The following MXI1 variants were observed in gnomAD, a reference collection of about 807,000 sequenced individuals.
The protein encoded by MXI1 is MAX interactor 1, dimerization protein.
Under a neutral mutation model 36.9 loss-of-function variants are expected in MXI1, and 18 were observed. That is an observed-to-expected ratio of 0.49 (90% CI 0.34 to 0.72). MXI1 has a LOEUF of 0.72. MXI1 is among the 30% of genes least tolerant of loss of function. MXI1 has a pLI of 0.01. For synonymous variants in MXI1, 160 were observed against 146.7 expected, an observed-to-expected ratio of 1.09 and a Z score of -0.65; for missense variants, 304 against 379.1, an observed-to-expected ratio of 0.80 and a Z score of 1.64.
intron 3 of MXI1, among the ~76,000 whole-genome samples, chr10:110,248,527 T>C (rs1402061894): frequency 1.3e-5 from 2 of 152,178 alleles, no homozygotes; most frequent in Admixed American, 6.5e-5. Context: ...CATGTGGTTT[T>C]ATTACCTGGG....
At chr10:110,211,837 C>T (rs1472174400) in intron 1 of MXI1, among the ~76,000 whole-genome samples, 1 of 152,160 alleles carries the variant, frequency 6.6e-6, no homozygotes, top group Non-Finnish European at 1.5e-5. Flanking sequence ...AATTGAAGGC[C>T]TCCAGAAATA....
Position 110,286,535 on chromosome 10 carries a change from A to T in MXI1, c.*1548A>T, listed in dbSNP as rs891711898. ...TTATGATTTTCATAACTTATTGCTG[A>T]TTTTAATGGATTGTTAATTTCAGTC... On this transcript the variant is annotated 3_prime_UTR_variant, in exon 6 of 6. Coordinates refer to ENST00000332674, the MANE Select transcript of MXI1 (RefSeq NM_130439.3). 23 of 150,628 alleles carry T rather than the reference A, an allele frequency of 1.5e-4. No individual in the cohort carries two copies. Among genetic ancestry groups the T allele is most frequent in the African/African-American group, 5.6e-4 (23 of 41,062 alleles). The allele number at this position is 150,628 out of a possible 1,614,324, so 9.3% of individuals were successfully genotyped here. A position where few individuals can be genotyped will look rare whatever the true frequency, so the allele number is the denominator to read the frequency against.
intron 5 of MXI1, 77 bp downstream of exon 5, chr10:110,280,162 A>C: frequency 7.8e-7 from 1 of 1,278,538 alleles, no homozygotes; most frequent in South Asian, 1.7e-5. Context: ...GTTGGGAGGC[A>C]CTGTATTTGC....
At chr10:110,229,593 A>G (rs1454854590) in intron 2 of MXI1, among the ~76,000 whole-genome samples, 2 of 152,216 alleles carry the variant, frequency 1.3e-5, no homozygotes, top group African/African-American at 4.8e-5. Context: ...TCTTTTCATT[A>G]AGACTACTAT....
chr10:110,223,968 A>C (rs780636522), intron 1 of MXI1, among the ~76,000 whole-genome samples: 4 of 152,104 alleles, frequency 2.6e-5, no homozygotes, highest in Non-Finnish European at 4.4e-5. Flanking sequence ...TTGTGACCTC[A>C]CTGGAGATTT....
chr10:110,221,282 T>G (rs1260081781), intron 1 of MXI1, among the ~76,000 whole-genome samples: 1 of 152,244 alleles, frequency 6.6e-6, no homozygotes, highest in African/African-American at 2.4e-5. Flanking sequence ...CTTGGGCAAG[T>G]TACCATACCT....
intron 5 of MXI1, among the ~76,000 whole-genome samples, chr10:110,280,546 G>A (rs945030544): frequency 4.0e-5 from 6 of 151,894 alleles, no homozygotes; most frequent in Admixed American, 2.0e-4. Flanking sequence ...CGGGCGTGGT[G>A]GCAGGCGCCT....
At chr10:110,255,129 G>A (rs760823613) in intron 3 of MXI1, among the ~76,000 whole-genome samples, 1 of 152,180 alleles carries the variant, frequency 6.6e-6, no homozygotes, top group Non-Finnish European at 1.5e-5. Flanking sequence ...GATGTAGCTG[G>A]TGACTTGAAG....
chr10:110,242,815 CTG>C (rs1276887815), intron 2 of MXI1, among the ~76,000 whole-genome samples: 1 of 151,968 alleles, frequency 6.6e-6, no homozygotes, highest in Non-Finnish European at 1.5e-5. Flanking sequence ...GATTGCCAGA[CTG>C]TTTAGAATAA....
rs1439467923 is a variant in MXI1, at chr10:110,231,795, T to A, written c.407+3474T>A. Among the ~76,000 whole-genome samples the A allele has an allele frequency of 3.9e-5, 6 of 152,178 alleles. No homozygotes were observed. In the East Asian group the frequency reaches 7.7e-4, roughly 20 times the overall value. ...CACAGGTGAAAAATCTCAAGGTCTG[T>A]CATCCTTAAAACTCTACTAAATAAG... On this transcript the variant is annotated intron_variant, in intron 2 of 5. Transcript: ENST00000332674.
chr10:110,259,191 G>A (rs1475572692), intron 3 of MXI1, among the ~76,000 whole-genome samples: 1 of 152,082 alleles, frequency 6.6e-6, no homozygotes, highest in Non-Finnish European at 1.5e-5. Context: ...AACTTAAGCT[G>A]TAACTTGTTT....
intron 3 of MXI1, among the ~76,000 whole-genome samples, chr10:110,270,976 C>G (rs1051237312): frequency 7.2e-5 from 11 of 152,032 alleles, no homozygotes; most frequent in Admixed American, 7.2e-4. Context: ...CCTGTAATCC[C>G]AGCTACTCAG....
chr10:110,256,446 A>T (rs1029605083), intron 3 of MXI1, among the ~76,000 whole-genome samples: 13 of 151,626 alleles, frequency 8.6e-5, no homozygotes, highest in Admixed American at 5.9e-4. Flanking sequence ...GCTACTAAAA[A>T]TACAAAATTA....
At chr10:110,213,778 A>G in intron 1 of MXI1, among the ~76,000 whole-genome samples, 1 of 152,258 alleles carries the variant, frequency 6.6e-6, no homozygotes, top group East Asian at 1.9e-4. Context: ...ACAGTCTCCC[A>G]CTGACACATC....
chr10:110,225,675 T>C (rs924023201), intron 1 of MXI1, among the ~76,000 whole-genome samples: 19 of 151,628 alleles, frequency 1.3e-4, no homozygotes, highest in African/African-American at 4.4e-4. Flanking sequence ...TCCCCGGGAG[T>C]AGACTCCCAG....
chr10:110,259,430 T>G (rs1189158200), intron 3 of MXI1, among the ~76,000 whole-genome samples: 1 of 152,100 alleles, frequency 6.6e-6, no homozygotes, highest in Non-Finnish European at 1.5e-5. Context: ...ATATGTTATT[T>G]TGCTAAATTC....
chr10:110,218,582 A>G (rs1399958225), intron 1 of MXI1, among the ~76,000 whole-genome samples: 1 of 152,082 alleles, frequency 6.6e-6, no homozygotes, highest in Non-Finnish European at 1.5e-5. Context: ...CAGAACCTCC[A>G]GGGCCCTTTG....
At chr10:110,215,775 T>G (rs1169679985) in intron 1 of MXI1, among the ~76,000 whole-genome samples, 1 of 152,082 alleles carries the variant, frequency 6.6e-6, no homozygotes, top group African/African-American at 2.4e-5. Context: ...GTGGTGGCAG[T>G]GATGAGGTGG....
At chr10:110,232,184 T>C (rs1855294320) in intron 2 of MXI1, among the ~76,000 whole-genome samples, 1 of 152,106 alleles carries the variant, frequency 6.6e-6, no homozygotes, top group Admixed American at 6.6e-5. Flanking sequence ...ATGGTCTCAA[T>C]CTCCTGACCT....
Sources: gnomAD v4.1 joint callset for allele counts (sites outside exome capture counted in the v4.1 genomes callset) on GRCh38, gnomAD v4.1.1 for gene constraint, MANE v1.5 for transcripts, NCBI Gene and HGNC (gene_info 2026-07-23, HGNC 2026-07-21) for gene names.